The following CNOT2 variants were observed in gnomAD, a reference collection of about 807,000 sequenced individuals.
CNOT2 encodes the protein CC chemokine receptor 4-negative regulator of transcription 2.
In CNOT2, 7 loss-of-function variants were observed where a neutral mutation model predicts 72.1. The observed-to-expected ratio is 0.10, with a 90% CI of 0.06 to 0.18. CNOT2 has a LOEUF of 0.18. Ranked by LOEUF, CNOT2 falls within the 10% of genes least tolerant of loss-of-function variation. The pLI is 1.00. For missense variants in CNOT2, 345 were observed against 660.3 expected, an observed-to-expected ratio of 0.52 and a Z score of 5.23; for synonymous variants, 196 against 225.6, an observed-to-expected ratio of 0.87 and a Z score of 1.17.
chr12:70,311,049 G>A (rs778209685), intron 3 of CNOT2, 32 bp downstream of exon 3: 3 of 1,534,046 alleles, frequency 2.0e-6, no homozygotes, highest in East Asian at 2.3e-5. Context: ...TATTTTTTCA[G>A]CAATGTAAGT....
intron 1 of CNOT2, among the ~76,000 whole-genome samples, chr12:70,265,447 A>G (rs1468901585): frequency 1.3e-5 from 2 of 151,718 alleles, no homozygotes; most frequent in Admixed American, 1.3e-4. Context: ...TTATTTTTAT[A>G]GAGTTGTTCT....
intron 1 of CNOT2, among the ~76,000 whole-genome samples, chr12:70,258,615 G>A (rs1020283157): frequency 1.3e-5 from 2 of 152,178 alleles, no homozygotes; most frequent in African/African-American, 4.8e-5. Flanking sequence ...AAAGAATATA[G>A]CAGTGTACAA....
chr12:70,280,376 G>T (rs1869616539), intron 2 of CNOT2, among the ~76,000 whole-genome samples: 1 of 152,056 alleles, frequency 6.6e-6, no homozygotes, highest in African/African-American at 2.4e-5. Context: ...TAACAAGAAG[G>T]TATTGTATAT....
At chr12:70,260,225 G>C (rs1324100156) in intron 1 of CNOT2, among the ~76,000 whole-genome samples, 2 of 152,062 alleles carry the variant, frequency 1.3e-5, no homozygotes, top group African/African-American at 4.8e-5. Context: ...TGTTGAAACT[G>C]AACATGGGAT....
At chr12:70,285,559 T>A (rs1870739729) in intron 2 of CNOT2, 1 of 151,834 alleles carries the variant, frequency 6.6e-6, no homozygotes, top group Non-Finnish European at 1.5e-5. Context: ...TTGCGTGGAG[T>A]CTAGGATGAT....
chr12:70,314,802 GTC>G lies in CNOT2; in HGVS notation c.171+3787_171+3788del, dbSNP rs1390289771. On this transcript the variant is annotated intron_variant, in intron 3 of 15. Coordinates refer to ENST00000229195, the MANE Select transcript of CNOT2 (RefSeq NM_014515.7). ...GACTTAATGACTATTTTATTTTACT[GTC>G]TGCCTCCTCCCTTGCCCCTTTTCTC... Among the ~76,000 whole-genome samples the G allele has an allele frequency of 2.0e-5, 3 of 151,870 alleles. No homozygotes were observed. The East Asian group carries it at 5.8e-4, about 29-fold the overall frequency.
chr12:70,249,867 T>C (rs912070209), intron 1 of CNOT2, among the ~76,000 whole-genome samples: 1 of 152,108 alleles, frequency 6.6e-6, no homozygotes, highest in Non-Finnish European at 1.5e-5. Context: ...GAGGTAATCA[T>C]ATGCCGAACA....
At chr12:70,311,093 G>A in intron 3 of CNOT2, 76 bp downstream of exon 3, 1 of 999,298 alleles carries the variant, frequency 1.0e-6, no homozygotes, top group Non-Finnish European at 1.5e-6. Flanking sequence ...AGCATATCAA[G>A]TGCAGAATAC....
intron 2 of CNOT2, among the ~76,000 whole-genome samples, chr12:70,300,195 T>C (rs1873657797): frequency 1.3e-5 from 2 of 152,338 alleles, no homozygotes; most frequent in African/African-American, 4.8e-5. Context: ...TGGTCGTTTC[T>C]TTTGCTGTGC....
intron 4 of CNOT2, among the ~76,000 whole-genome samples, chr12:70,326,044 A>G (rs891788305): frequency 2.0e-5 from 3 of 151,758 alleles, no homozygotes; most frequent in African/African-American, 7.3e-5. Flanking sequence ...CTTAGATCAT[A>G]TTCTTTAAGG....
At chr12:70,337,271 A>G (rs891611852) in intron 8 of CNOT2, 118 bp from the exon 9 acceptor site, 2 of 738,894 alleles carry the variant, frequency 2.7e-6, no homozygotes, top group Admixed American at 2.8e-5. Context: ...GTACGCTTTC[A>G]TAGCATTAAA....
intron 13 of CNOT2, 23 bp downstream of exon 13, chr12:70,342,330 CTCAG>C (rs771485228): frequency 6.2e-7 from 1 of 1,610,292 alleles, no homozygotes; most frequent in African/African-American, 1.3e-5. Flanking sequence ...TATTATTCTA[CTCAG>C]TCAGCATGAA....
chr12:70,293,320 C>G (rs1044357477), intron 2 of CNOT2, among the ~76,000 whole-genome samples: 3 of 151,932 alleles, frequency 2.0e-5, no homozygotes, highest in African/African-American at 7.3e-5. Flanking sequence ...GCCACCATGC[C>G]CGGCTAATTT....
intron 4 of CNOT2, chr12:70,322,173 T>C (rs1187374448): frequency 6.6e-6 from 1 of 151,774 alleles, no homozygotes; most frequent in Non-Finnish European, 1.5e-5. Context: ...ACAAAACCAA[T>C]TTTTTGTTCT....
At chr12:70,254,165 G>C (rs1009255289) in intron 1 of CNOT2, among the ~76,000 whole-genome samples, 1 of 151,618 alleles carries the variant, frequency 6.6e-6, no homozygotes, top group African/African-American at 2.4e-5. Flanking sequence ...TTGAACCCGG[G>C]AGGTGGAGTT....
chr12:70,291,375 A>G (rs1475327168), intron 2 of CNOT2, among the ~76,000 whole-genome samples: 1 of 152,224 alleles, frequency 6.6e-6, no homozygotes, highest in Non-Finnish European at 1.5e-5. Flanking sequence ...CAAAAATGCT[A>G]CCGGCACATG....
chr12:70,335,298 C>T, intron 7 of CNOT2, 140 bp from the exon 8 acceptor site: 2 of 541,254 alleles, frequency 3.7e-6, no homozygotes, highest in East Asian at 3.0e-5. Context: ...ATCTTTTGAG[C>T]ACCTACATAC....
In CNOT2 at chr12:70,308,398, C is replaced by T. The variant is rs371018098; in HGVS notation, c.49-2497C>T. The stretch of plus-strand genomic sequence containing the variant: ...CATGGGGGAGAGTAAAACACCCTTA[C>T]CTCTCCCTCCCTCCATCTGTCTTTC... On this transcript the variant is annotated intron_variant, in intron 2 of 15. Coordinates refer to ENST00000229195, the MANE Select transcript of CNOT2 (RefSeq NM_014515.7). Among the ~76,000 whole-genome samples the T allele has an allele frequency of 1.3e-4, 20 of 152,122 alleles. No homozygotes were observed. In the East Asian group the frequency reaches 3.7e-3, roughly 28 times the overall value.
At chr12:70,330,213 C>A in intron 5 of CNOT2, 74 bp from the exon 6 acceptor site, 1 of 666,014 alleles carries the variant, frequency 1.5e-6, no homozygotes, top group Non-Finnish European at 2.6e-6. Flanking sequence ...AGGGTTGGAC[C>A]AATTGATTAT....
Sources: allele counts gnomAD v4.1 joint callset (sites outside exome capture counted in the v4.1 genomes callset), GRCh38; gene constraint gnomAD v4.1.1; transcripts MANE v1.5; gene names NCBI Gene and HGNC (gene_info 2026-07-23, HGNC 2026-07-21).